Variants in NTM observed in about 807,000 individuals in gnomAD.
NTM encodes the protein IgLON family member 2.
NTM carries 13 observed loss-of-function variants against 42.1 expected under a neutral mutation model. The ratio of observed to expected loss-of-function variants is 0.31; its 90% CI spans 0.20 to 0.49. The LOEUF is 0.49. Ranked by LOEUF, NTM falls within the 20% of genes least tolerant of loss-of-function variation. The pLI, the probability that NTM is intolerant of heterozygous loss-of-function variation, is 0.99. For synonymous variants in NTM, 187 were observed against 179.2 expected, an observed-to-expected ratio of 1.04 and a Z score of -0.35; for missense variants, 373 against 452.8, an observed-to-expected ratio of 0.82 and a Z score of 1.60.
At chr11:131,625,781 G>T (rs1194862483) in intron 1 of NTM, among the ~76,000 whole-genome samples, 4 of 152,140 alleles carry the variant, frequency 2.6e-5, no homozygotes. Context: ...AGATAAGTGT[G>T]CCTGCTTTAC....
chr11:131,625,056 T>C lies in NTM; in HGVS notation c.82+254168T>C, dbSNP rs78521260. ...TCACCTTATTCTGTTTATCTGTCAC[T>C]GAGCTGGAAACAGTTACAAAGTAGG... is the stretch of plus-strand genomic sequence containing the variant. On this transcript the variant is annotated intron_variant, in intron 1 of 8. Transcript: ENST00000683400. Among the ~76,000 whole-genome samples the C allele has an allele frequency of 3.7e-3, 564 of 152,354 alleles. 1 individual carries two copies. Among genetic ancestry groups the C allele is most frequent in the Non-Finnish European group, 7.1e-3 (481 of 68,030 alleles).
chr11:132,074,297 C>T (rs1796579161), intron 2 of NTM, among the ~76,000 whole-genome samples: 2 of 152,128 alleles, frequency 1.3e-5, no homozygotes, highest in Admixed American at 1.3e-4. Context: ...TCTCAGGGTC[C>T]ATCACCATTC....
At chr11:131,737,293 A>G (rs10894431) in intron 1 of NTM, among the ~76,000 whole-genome samples, 39,442 of 152,074 alleles carry the variant, frequency 0.26, 6,406 homozygotes, top group African/African-American at 0.45. Context: ...GAAGGGTCGA[A>G]GCAGAGCCAC....
intron 1 of NTM, among the ~76,000 whole-genome samples, chr11:131,616,777 G>GT (rs61410066): frequency 0.8 from 110,859 of 139,216 alleles, 43,511 homozygotes; most frequent in Non-Finnish European, 0.82. Flanking sequence ...TGTCTTGAGG[G>GT]GGTGTGTGTG....
At chr11:131,911,166 C>G in intron 1 of NTM, 1 of 1,320,880 alleles carries the variant, frequency 7.6e-7, no homozygotes, top group Non-Finnish European at 9.7e-7. Context: ...TCCTGAGACG[C>G]GCCCACACCT....
chr11:131,514,878 C>G (rs2048698798), intron 1 of NTM, among the ~76,000 whole-genome samples: 1 of 152,006 alleles, frequency 6.6e-6, no homozygotes, highest in South Asian at 2.1e-4. Context: ...AGGCATGAGC[C>G]CCCATGCCCG....
intron 1 of NTM, among the ~76,000 whole-genome samples, chr11:131,515,458 C>T (rs1164931352): frequency 6.6e-6 from 1 of 152,190 alleles, no homozygotes; most frequent in Non-Finnish European, 1.5e-5. Flanking sequence ...GTGCTCTATC[C>T]TCCCCCAGCA....
rs118115576 is a variant in NTM at position 132,267,395 on chromosome 11, G to A, written c.527-40294G>A. 2.5e-3 allele frequency among the ~76,000 whole-genome samples: 381 copies of A among 151,416 alleles called. 2 individuals are homozygous for A. Among genetic ancestry groups the A allele is most frequent in the South Asian group, 7.9e-3 (38 of 4,782 alleles). ...TCTCTTTAAATCTACTGAAATTTAC[G>A]TATCTCCCTCCCTCACACTTTCCTT... On this transcript the variant is annotated intron_variant, in intron 4 of 8. Transcript: ENST00000683400.
At chr11:131,545,587 A>C (rs1458878859) in intron 1 of NTM, among the ~76,000 whole-genome samples, 1 of 152,164 alleles carries the variant, frequency 6.6e-6, no homozygotes, top group Non-Finnish European at 1.5e-5. Context: ...CAGAATAGAG[A>C]GCTGAACAGT....
intron 3 of NTM, among the ~76,000 whole-genome samples, chr11:132,174,354 C>T (rs1435170420): frequency 6.6e-6 from 1 of 152,180 alleles, no homozygotes; most frequent in African/African-American, 2.4e-5. Flanking sequence ...AAGTGAACTG[C>T]TTCTATAAAC....
intron 2 of NTM, among the ~76,000 whole-genome samples, chr11:132,094,828 A>G (rs1470094335): frequency 2.0e-5 from 3 of 152,064 alleles, no homozygotes; most frequent in Admixed American, 6.5e-5. Context: ...TGTGTGCATC[A>G]GTGTGTATGT....
chr11:132,220,270 G>T (rs138255639), intron 4 of NTM, among the ~76,000 whole-genome samples: 227 of 152,276 alleles, frequency 1.5e-3, no homozygotes, highest in African/African-American at 5.1e-3. Context: ...TACATAAGTG[G>T]CTTAAACACA....
chr11:131,832,869 T>G (rs1236472188), intron 1 of NTM, among the ~76,000 whole-genome samples: 4 of 152,228 alleles, frequency 2.6e-5, no homozygotes, highest in Non-Finnish European at 5.9e-5. Context: ...TTAAGTTCTA[T>G]CCAAATGATA....
intron 4 of NTM, among the ~76,000 whole-genome samples, chr11:132,265,135 G>A (rs1021973691): frequency 3.3e-5 from 5 of 152,250 alleles, no homozygotes; most frequent in South Asian, 4.2e-4. Context: ...CACTTTTCTC[G>A]TAGTATTGTC....
At chr11:131,580,008 G>A (rs1444235916) in intron 1 of NTM, among the ~76,000 whole-genome samples, 4 of 152,096 alleles carry the variant, frequency 2.6e-5, no homozygotes, top group South Asian at 2.1e-4. Context: ...GTTCTCTGCC[G>A]AGCCAGGAGG....
At chr11:132,308,177 C>T (rs551850776) in intron 5 of NTM, among the ~76,000 whole-genome samples, 3 of 152,248 alleles carry the variant, frequency 2.0e-5, no homozygotes, top group South Asian at 4.1e-4. Context: ...TGTGCTGGAG[C>T]CTCTCACTGT....
intron 1 of NTM, among the ~76,000 whole-genome samples, chr11:131,839,757 C>T (rs2136658103): frequency 6.6e-6 from 1 of 152,280 alleles, no homozygotes; most frequent in Admixed American, 6.5e-5. Context: ...TGAGCAAATG[C>T]AGTTGTTGGG....
intron 1 of NTM, among the ~76,000 whole-genome samples, chr11:131,819,736 A>T (rs1337286625): frequency 6.6e-6 from 1 of 152,194 alleles, no homozygotes; most frequent in Non-Finnish European, 1.5e-5. Context: ...CATGGGATGG[A>T]AACACGTCCG....
intron 1 of NTM, among the ~76,000 whole-genome samples, chr11:131,711,812 C>G: frequency 6.6e-6 from 1 of 151,128 alleles, no homozygotes; most frequent in African/African-American, 2.4e-5. Flanking sequence ...TAAAAAATGA[C>G]GAGTTCATGT....
Sources: allele counts gnomAD v4.1 joint callset (sites outside exome capture counted in the v4.1 genomes callset), GRCh38; gene constraint gnomAD v4.1.1; transcripts MANE v1.5; gene names NCBI Gene and HGNC (gene_info 2026-07-23, HGNC 2026-07-21).